Variants in ZNF354C observed in about 807,000 individuals in gnomAD.
The protein encoded by ZNF354C is zinc finger protein 354C.
In ZNF354C, 7 loss-of-function variants were observed where a neutral mutation model predicts 12.4. The observed-to-expected ratio is 0.56, with a 90% CI of 0.32 to 1.06. The LOEUF is 1.06. Among genes scored for constraint, ZNF354C ranks in the 50% least tolerant of loss-of-function variants. ZNF354C has a pLI of 0.04. For missense variants in ZNF354C, 609 were observed against 658.0 expected, an observed-to-expected ratio of 0.93 and a Z score of 0.81; for synonymous variants, 202 against 224.5, an observed-to-expected ratio of 0.90 and a Z score of 0.90.
chr5:179,073,397 T>C (rs915648657), intron 2 of ZNF354C, among the ~76,000 whole-genome samples: 11 of 152,196 alleles, frequency 7.2e-5, no homozygotes, highest in Non-Finnish European at 1.2e-4. Flanking sequence ...TAAAATACTT[T>C]TTTTCCTTTC....
At chr5:179,073,885 G>A (rs563175894) in intron 2 of ZNF354C, among the ~76,000 whole-genome samples, 1 of 152,182 alleles carries the variant, frequency 6.6e-6, no homozygotes, top group South Asian at 2.1e-4. Flanking sequence ...TTGAACTGCT[G>A]AGCTCAGGCA....
Position 179,082,865 on chromosome 5 carries a change from A to G in ZNF354C, c.*2768A>G, listed in dbSNP as rs1023767888. The G allele has an allele frequency of 1.3e-5, 15 of 1,149,250 alleles. No individual in the cohort carries two copies. Among genetic ancestry groups the G allele is most frequent in the African/African-American group, 4.5e-5 (3 of 66,064 alleles). 71.2% of individuals were successfully genotyped at this position (1,149,250 alleles called of 1,614,324 possible). On this transcript the variant is annotated 3_prime_UTR_variant, in exon 5 of 5. Coordinates refer to ENST00000315475, the MANE Select transcript of ZNF354C (RefSeq NM_014594.3). ...CCTTGGGGCCCTCACAGACTCGCCA[A>G]ACATTCCAGGCACTGCACTTGCCAG...
At chr5:179,069,726 C>T (rs1033272284) in intron 2 of ZNF354C, among the ~76,000 whole-genome samples, 15 of 151,518 alleles carry the variant, frequency 9.9e-5, no homozygotes, top group African/African-American at 2.7e-4. Context: ...ATTAGCCGGG[C>T]GCGGTGGCGG....
chr5:179,078,600 C>G (rs1353244880), intron 4 of ZNF354C, 83 bp from the exon 5 acceptor site: 2 of 1,058,254 alleles, frequency 1.9e-6, no homozygotes, highest in Admixed American at 5.0e-5. Context: ...TTCATATATA[C>G]TGTTACCAGT....
intron 2 of ZNF354C, among the ~76,000 whole-genome samples, chr5:179,069,111 G>A (rs755338281): frequency 1.3e-5 from 2 of 152,204 alleles, no homozygotes; most frequent in African/African-American, 4.8e-5. Context: ...CCCTGCAGCT[G>A]TCTGAATGGA....
intron 2 of ZNF354C, among the ~76,000 whole-genome samples, chr5:179,074,580 C>T (rs1300491528): frequency 6.6e-6 from 1 of 152,190 alleles, no homozygotes; most frequent in African/African-American, 2.4e-5. Context: ...CTCTCCCACA[C>T]CAAGATTCTT....
intron 2 of ZNF354C, 71 bp from the exon 3 acceptor site, chr5:179,076,374 G>C: frequency 6.2e-7 from 1 of 1,603,392 alleles, no homozygotes; most frequent in South Asian, 1.1e-5. Flanking sequence ...ACATCCCACT[G>C]TCACTTTCTT....
chr5:179,082,695 C>A lies in ZNF354C; in HGVS notation c.*2598C>A, dbSNP rs188425378. On this transcript the variant is annotated 3_prime_UTR_variant, in exon 5 of 5. Transcript: ENST00000315475. ...TGGTTAGTCAATGACACCAGCTTGA[C>A]GGATCTTTCTTTCTGCACCAAACCC... 20 of 1,592,400 alleles carry A rather than the reference C, an allele frequency of 1.3e-5. No homozygotes were observed. The highest frequency in any genetic ancestry group is 1.7e-5 in the Non-Finnish European group (20 of 1,162,794).
At chr5:179,061,959 C>A in intron 1 of ZNF354C, 56 bp from the exon 2 acceptor site, 2 of 1,231,058 alleles carry the variant, frequency 1.6e-6, no homozygotes, top group South Asian at 1.2e-5. Flanking sequence ...GTAACTTCCT[C>A]TCTCCAAGCC....
Position 179,081,930 on chromosome 5 carries a change from A to C in ZNF354C, c.*1833A>C, listed in dbSNP as rs957245743. On this transcript the variant is annotated 3_prime_UTR_variant, in exon 5 of 5. Coordinates refer to ENST00000315475, the MANE Select transcript of ZNF354C (RefSeq NM_014594.3). The stretch of plus-strand genomic sequence containing the variant: ...TCACTGGCCAAATTTAGGACAACTT[A>C]GAATAATCACTCTTACTGGTGATAA... The C allele has an allele frequency of 6.6e-6, 1 of 152,256 alleles. No individual in the cohort carries two copies. The highest frequency in any genetic ancestry group is 2.4e-5 in the African/African-American group (1 of 41,472). 9.4% of individuals were successfully genotyped at this position (152,256 alleles called of 1,614,324 possible).
At chr5:179,074,137 C>T (rs1762083413) in intron 2 of ZNF354C, among the ~76,000 whole-genome samples, 1 of 151,810 alleles carries the variant, frequency 6.6e-6, no homozygotes, top group Admixed American at 6.6e-5. Flanking sequence ...CACGTGCCAC[C>T]ATGCCCAGCT....
In ZNF354C at chr5:179,064,918, T is replaced by C. The variant is rs1561747523; in HGVS notation, c.27+2823T>C. Among the ~76,000 whole-genome samples the C allele has an allele frequency of 2.0e-5, 3 of 152,166 alleles. No individual in the cohort carries two copies. In the South Asian group the frequency reaches 6.2e-4, roughly 32 times the overall value. On this transcript the variant is annotated intron_variant, in intron 2 of 4. Coordinates refer to ENST00000315475, the MANE Select transcript of ZNF354C (RefSeq NM_014594.3). Reference sequence around the variant, plus strand: ...GAAAAAAATAGGTTCTTTGCAATATTACATATTTCCATGTAATATATAATT... The same window carrying C: ...GAAAAAAATAGGTTCTTTGCAATATCACATATTTCCATGTAATATATAATT...
Position 179,079,588 on chromosome 5 carries a change from T to C in ZNF354C, c.1156T>C (p.Cys386Arg). ...TCATACTGGAGAACAACTGTATACA[T>C]GCTTGGAATGTGGGAGAACCTTCAC... is the stretch of plus-strand genomic sequence containing the variant. ...RFHTGEQLYT[C>R]LECGRTFTRI... Residue 386 changes from cysteine to arginine, a missense_variant, in exon 5 of 5, where the codon TGC becomes CGC. Physicochemically the swap from Cys to Arg is radical, Grantham distance 180 (BLOSUM62 -3). Coordinates refer to ENST00000315475, the MANE Select transcript of ZNF354C (RefSeq NM_014594.3). This position sits in a 1 kb window ranked among gnomAD's most constrained non-coding sequence, Gnocchi z 4.2. The C allele has an allele frequency of 6.2e-7, 1 of 1,614,162 alleles. No homozygotes were observed. The highest frequency in any genetic ancestry group is 2.2e-5 in the East Asian group (1 of 44,880).
rs778485819 is a variant in ZNF354C, at chr5:179,062,017, C to A, written c.-52C>A. 29 of 1,608,838 alleles carry A rather than the reference C, an allele frequency of 1.8e-5. No individual in the cohort carries two copies. Among genetic ancestry groups the A allele is most frequent in the African/African-American group, 2.7e-5 (2 of 74,722 alleles). On this transcript the variant is annotated splice_region_variant and 5_prime_UTR_variant, in exon 2 of 5. Transcript: ENST00000315475. ...CTTGACACCTTTTTCCTCTGCAGAC[C>A]CACCGTGTCCACACTCTGCTCTCCC...
At position 179,081,539 on chromosome 5, in the gene ZNF354C, TAAACTC is replaced by T. The variant is rs1237629147; in HGVS notation, c.*1445_*1450del. On this transcript the variant is annotated 3_prime_UTR_variant, in exon 5 of 5. Transcript: ENST00000315475. The stretch of plus-strand genomic sequence containing the variant: ...GACCTTCTGAGAAAAATGTTAGAAT[TAAACTC>T]AAGCAGTCAGTATAGTATATTTCTT... 10 of 152,188 alleles carry T rather than the reference TAAACTC, an allele frequency of 6.6e-5. No individual in the cohort carries two copies. The highest frequency in any genetic ancestry group is 5.9e-4 in the Admixed American group (9 of 15,278). 9.4% of individuals were successfully genotyped at this position (152,188 alleles called of 1,614,324 possible). A position where few individuals can be genotyped will look rare whatever the true frequency, so the allele number is the denominator to read the frequency against.
At chr5:179,076,945 G>C (rs1762131599) in intron 3 of ZNF354C, 126 bp from the exon 4 acceptor site, 1 of 805,502 alleles carries the variant, frequency 1.2e-6, no homozygotes, top group African/African-American at 1.7e-5. Flanking sequence ...CGAAGTGCTT[G>C]TGCTGCCTTG....
In ZNF354C at chr5:179,081,860, A is replaced by G. The variant is rs2113130609; in HGVS notation, c.*1763A>G. ...AAAGCAAGATAGTATTTGAAGACTAATGGGGTAATGTCAGAAGGGAACAGG... is the reference window on the plus strand; with the variant it reads ...AAAGCAAGATAGTATTTGAAGACTAGTGGGGTAATGTCAGAAGGGAACAGG... On this transcript the variant is annotated 3_prime_UTR_variant, in exon 5 of 5. Transcript: ENST00000315475. 6.6e-6 allele frequency: 1 copy of G among 152,272 alleles called. No individual in the cohort carries two copies. Among genetic ancestry groups the G allele is most frequent in the South Asian group, 2.1e-4 (1 of 4,828 alleles). The allele number at this position is 152,272 out of a possible 1,614,324, so 9.4% of individuals were successfully genotyped here.
chr5:179,068,114 T>C (rs1761983143), intron 2 of ZNF354C, among the ~76,000 whole-genome samples: 1 of 151,540 alleles, frequency 6.6e-6, no homozygotes, highest in African/African-American at 2.4e-5. Flanking sequence ...TGAGCTATGA[T>C]TTATTGCACT....
chr5:179,077,040 G>A, intron 3 of ZNF354C, 31 bp from the exon 4 acceptor site: 1 of 1,596,858 alleles, frequency 6.3e-7, no homozygotes, highest in Non-Finnish European at 8.6e-7. Flanking sequence ...CATGCTATTT[G>A]TTCAAACTTC....
Sources: gnomAD v4.1 joint callset for allele counts (sites outside exome capture counted in the v4.1 genomes callset) on GRCh38, gnomAD v4.1.1 for gene constraint, Gnocchi (gnomAD v3.1) non-coding constraint, MANE v1.5 for transcripts, NCBI Gene and HGNC (gene_info 2026-07-23, HGNC 2026-07-21) for gene names.